The following ARHGAP31 variants were observed in gnomAD, a reference collection of about 807,000 sequenced individuals.
ARHGAP31 encodes rho GTPase-activating protein 31.
Under a neutral mutation model 113.9 loss-of-function variants are expected in ARHGAP31, and 34 were observed. The observed-to-expected ratio is 0.30, with a 90% CI of 0.23 to 0.40. The LOEUF is 0.40. ARHGAP31 is among the 10% of genes least tolerant of loss of function. ARHGAP31 has a pLI of 1.00. For missense variants in ARHGAP31, 1,548 were observed against 1,767.1 expected, an observed-to-expected ratio of 0.88 and a Z score of 2.22; for synonymous variants, 650 against 684.8, an observed-to-expected ratio of 0.95 and a Z score of 0.79.
intron 1 of ARHGAP31, among the ~76,000 whole-genome samples, chr3:119,332,600 C>G (rs540015572): frequency 7.3e-6 from 1 of 137,302 alleles, no homozygotes; most frequent in South Asian, 2.4e-4. Flanking sequence ...TTCTCTCTCT[C>G]TCTTTCTCTC....
intron 1 of ARHGAP31, among the ~76,000 whole-genome samples, chr3:119,360,358 G>A (rs992951274): frequency 2.0e-5 from 3 of 152,210 alleles, no homozygotes; most frequent in African/African-American, 7.2e-5. Context: ...CCAGAATGGA[G>A]ATGGGGGAGT....
chr3:119,359,873 T>G (rs1009152333), intron 1 of ARHGAP31, among the ~76,000 whole-genome samples: 4 of 152,084 alleles, frequency 2.6e-5, no homozygotes, highest in Admixed American at 6.5e-5. Context: ...AAATCCCCCC[T>G]CTCTCCCGTG....
rs1229093074 is a variant in ARHGAP31, at chr3:119,390,789, C to T, written c.687C>T (p.Asn229=). ...GAPGSLENDE[N]RPIMKSLTLP... ...GCTCTTCCATTGCCTTTACAGAAAA[C>T]CGGCCCATCATGAAGAGCCTGACCT... Residue 229 remains asparagine, a synonymous_variant, in exon 7 of 12, where the codon AAC becomes AAT. Transcript: ENST00000264245. 6.2e-7 allele frequency: 1 copy of T among 1,612,234 alleles called. No individual in the cohort carries two copies. Among genetic ancestry groups the T allele is most frequent in the Non-Finnish European group, 8.5e-7 (1 of 1,179,974 alleles).
chr3:119,321,671 C>T (rs540279298), intron 1 of ARHGAP31, among the ~76,000 whole-genome samples: 107 of 150,882 alleles, frequency 7.1e-4, no homozygotes, highest in Non-Finnish European at 1.2e-3. Flanking sequence ...TGTTTTGAGA[C>T]GGAGACTCGC....
In ARHGAP31 at chr3:119,339,204, A is replaced by G. The variant is rs115615902; in HGVS notation, c.101-26112A>G. ...GCATGAGTGGGAACAACAGAAGACC[A>G]CAATGAAAGGCGAATTATAAGGTTG... On this transcript the variant is annotated intron_variant, in intron 1 of 11. Transcript: ENST00000264245. 5.8e-3 allele frequency among the ~76,000 whole-genome samples: 886 copies of G among 152,356 alleles called. 11 individuals carry two copies. Among genetic ancestry groups the G allele is most frequent in the African/African-American group, 0.021 (856 of 41,574 alleles).
At chr3:119,319,452 G>A (rs2079763423) in intron 1 of ARHGAP31, among the ~76,000 whole-genome samples, 1 of 151,732 alleles carries the variant, frequency 6.6e-6, no homozygotes, top group African/African-American at 2.4e-5. Context: ...AAGAAACCAC[G>A]GTACATTATA....
chr3:119,343,373 G>C (rs1176151316), intron 1 of ARHGAP31, among the ~76,000 whole-genome samples: 1 of 152,188 alleles, frequency 6.6e-6, no homozygotes, highest in Non-Finnish European at 1.5e-5. Context: ...GTAAAATGAG[G>C]ACTGTTAAAC....
chr3:119,394,264 G>A (rs985349418), intron 8 of ARHGAP31, among the ~76,000 whole-genome samples: 56 of 152,172 alleles, frequency 3.7e-4, no homozygotes, highest in African/African-American at 1.3e-3. Flanking sequence ...AGGATCCTCT[G>A]ATGGTTCTTG....
chr3:119,325,782 C>T (rs1281804767), intron 1 of ARHGAP31, among the ~76,000 whole-genome samples: 15 of 152,280 alleles, frequency 9.9e-5, no homozygotes, highest in Admixed American at 7.2e-4. Context: ...TTTCAAACTT[C>T]GCTTAATATT....
chr3:119,401,915 C>A lies in ARHGAP31; in HGVS notation c.1163C>A (p.Ser388Ter). 1 of 1,614,092 alleles carries A rather than the reference C, an allele frequency of 6.2e-7. No individual in the cohort carries two copies. Among genetic ancestry groups the A allele is most frequent in the Non-Finnish European group, 8.5e-7 (1 of 1,180,002 alleles). ...ATGCACTCCACCGGCACCGGCAGCT[C>A]ATGTGACCTCACCAAGCAGGAGGGC... is the stretch of plus-strand genomic sequence containing the variant. ...TKMHSTGTGS[S>*]CDLTKQEGEW... The change falls in exon 10 of 12, where the codon TCA becomes TAA. Residue 388 changes from serine (S) to a stop codon, truncating the protein, a stop_gained. Transcript: ENST00000264245. LOFTEE classifies it high-confidence loss of function.
intron 6 of ARHGAP31, among the ~76,000 whole-genome samples, chr3:119,387,813 A>T (rs140309878): frequency 3.2e-4 from 48 of 152,346 alleles, no homozygotes; most frequent in African/African-American, 1.0e-3. Context: ...GAAGACAAGG[A>T]TATATAAGTT....
chr3:119,383,276 C>A (rs1322418209), intron 6 of ARHGAP31, 50 bp downstream of exon 6: 1 of 1,609,286 alleles, frequency 6.2e-7, no homozygotes, highest in African/African-American at 1.3e-5. Flanking sequence ...TTCTTTCTTG[C>A]AACTAGTGGT....
chr3:119,307,651 A>G (rs2079641926), intron 1 of ARHGAP31, among the ~76,000 whole-genome samples: 1 of 152,194 alleles, frequency 6.6e-6, no homozygotes, highest in South Asian at 2.1e-4. Context: ...AATTAGAAAA[A>G]GAAAATAATC....
chr3:119,402,416 G>C lies in ARHGAP31; in HGVS notation c.1645+19G>C, dbSNP rs1164273979. On this transcript the variant is annotated intron_variant, in intron 10 of 11. Transcript: ENST00000264245. ...TCTGCAGGTAAGTAGAGGAGAGAGG[G>C]TATCTTTCCGTTGCAAGAGAGAAAA... The C allele has an allele frequency of 6.2e-7, 1 of 1,605,918 alleles. No individual in the cohort carries two copies. Among genetic ancestry groups the C allele is most frequent in the East Asian group, 2.2e-5 (1 of 44,840 alleles).
At chr3:119,308,262 G>C (rs1380132555) in intron 1 of ARHGAP31, among the ~76,000 whole-genome samples, 1 of 152,188 alleles carries the variant, frequency 6.6e-6, no homozygotes, top group African/African-American at 2.4e-5. Context: ...CCTTGTCTTA[G>C]TTTCCTATTG....
chr3:119,402,785 T>G (rs2080624252), intron 10 of ARHGAP31, among the ~76,000 whole-genome samples: 1 of 152,228 alleles, frequency 6.6e-6, no homozygotes, highest in Non-Finnish European at 1.5e-5. Flanking sequence ...CAGAATGGAA[T>G]GCAGAGCTGC....
intron 1 of ARHGAP31, among the ~76,000 whole-genome samples, chr3:119,360,396 T>C (rs1055287852): frequency 3.3e-5 from 5 of 152,164 alleles, no homozygotes; most frequent in Admixed American, 1.3e-4. Flanking sequence ...ACAAATGCCA[T>C]TTGCACTATG....
chr3:119,403,287 T>C (rs1324091152), intron 10 of ARHGAP31, among the ~76,000 whole-genome samples: 3 of 152,178 alleles, frequency 2.0e-5, no homozygotes, highest in Admixed American at 6.5e-5. Flanking sequence ...TCCTATGATA[T>C]AGATAGTCAC....
At chr3:119,375,003 G>A (rs1577017950) in intron 3 of ARHGAP31, among the ~76,000 whole-genome samples, 1 of 151,932 alleles carries the variant, frequency 6.6e-6, no homozygotes, top group Non-Finnish European at 1.5e-5. Context: ...TGATCAAACT[G>A]CTTTTTTTTT....
Sources: gnomAD v4.1 joint callset for allele counts (sites outside exome capture counted in the v4.1 genomes callset) on GRCh38, gnomAD v4.1.1 for gene constraint, MANE v1.5 for transcripts, NCBI Gene and HGNC (gene_info 2026-07-23, HGNC 2026-07-21) for gene names.